JARID2: variants seen among roughly 807,000 people sequenced by gnomAD.
JARID2 encodes protein Jumonji.
Under a neutral mutation model 125.6 loss-of-function variants are expected in JARID2, and 21 were observed. The ratio of observed to expected loss-of-function variants is 0.17; its 90% CI spans 0.12 to 0.24. JARID2 has a LOEUF of 0.24. Among genes scored for constraint, JARID2 ranks in the 10% least tolerant of loss-of-function variants. The pLI is 1.00. For synonymous variants in JARID2, 736 were observed against 661.6 expected (o/e 1.11, Z -1.73); for missense variants, 1,303 against 1,639.6 (o/e 0.79, Z 3.55).
chr6:15,361,825 A>G lies in JARID2; in HGVS notation c.46-12292A>G, dbSNP rs146030352. ...GTTCAGTTTTGTTTAGGTAGCTGAA[A>G]CAATGGTGATTGTTGTAAAGTATTG... On this transcript the variant is annotated intron_variant, in intron 1 of 17. Coordinates refer to ENST00000341776, the MANE Select transcript of JARID2 (RefSeq NM_004973.4). Among the ~76,000 whole-genome samples, 14 of 152,232 alleles carry G rather than the reference A, an allele frequency of 9.2e-5. No individual in the cohort carries two copies. The East Asian group carries it at 2.7e-3, about 29-fold the overall frequency.
rs1037062303 is a variant in JARID2, at chr6:15,499,153, T to A, written c.1946-1754T>A. Among the ~76,000 whole-genome samples the A allele has an allele frequency of 2.0e-5, 3 of 152,312 alleles. No individual in the cohort carries two copies. In the East Asian group the frequency reaches 5.8e-4, roughly 29 times the overall value. On this transcript the variant is annotated intron_variant, in intron 7 of 17. Transcript: ENST00000341776. The stretch of plus-strand genomic sequence containing the variant: ...TCTGTCCCAGGGGTACTGACCTGTC[T>A]GTGACCCAGCAAGGCCTCAGGGCTG...
chr6:15,358,099 T>C (rs1459203868), intron 1 of JARID2, among the ~76,000 whole-genome samples: 2 of 152,206 alleles, frequency 1.3e-5, no homozygotes, highest in African/African-American at 4.8e-5. Flanking sequence ...TGTGGGCATG[T>C]ATGTTAAAAT....
At chr6:15,445,367 G>A (rs1299550297) in intron 3 of JARID2, among the ~76,000 whole-genome samples, 1 of 152,190 alleles carries the variant, frequency 6.6e-6, no homozygotes, top group Non-Finnish European at 1.5e-5. Flanking sequence ...ATCTTGCTGT[G>A]CTCCTTCGTT....
rs144274118 is a variant in JARID2 at position 15,466,638 on chromosome 6, A to G, written c.494-1904A>G. On this transcript the variant is annotated intron_variant, in intron 4 of 17. Coordinates refer to ENST00000341776, the MANE Select transcript of JARID2 (RefSeq NM_004973.4). The stretch of plus-strand genomic sequence containing the variant: ...TAGATTTAGGGAAGAGGGATCAACA[A>G]CATTGTTGTATTTGATTAGATAACC... 3.6e-3 allele frequency among the ~76,000 whole-genome samples: 549 copies of G among 152,322 alleles called. 4 individuals are homozygous for G. Among genetic ancestry groups the G allele is most frequent in the African/African-American group, 0.013 (533 of 41,554 alleles).
At chr6:15,281,818 C>A (rs930078348) in intron 1 of JARID2, among the ~76,000 whole-genome samples, 2 of 152,098 alleles carry the variant, frequency 1.3e-5, no homozygotes, top group African/African-American at 4.8e-5. Context: ...TTAGGTTGTT[C>A]ATGCTGTTTT....
chr6:15,477,722 A>G (rs1342328572), intron 5 of JARID2, among the ~76,000 whole-genome samples: 1 of 152,150 alleles, frequency 6.6e-6, no homozygotes, highest in African/African-American at 2.4e-5. Flanking sequence ...AGAAGAGATC[A>G]TAGGTTTTGG....
intron 1 of JARID2, among the ~76,000 whole-genome samples, chr6:15,250,141 G>A (rs1759386258): frequency 6.6e-6 from 1 of 152,194 alleles, no homozygotes; most frequent in Admixed American, 6.5e-5. Context: ...AGCTCAAGCA[G>A]AATTTGTACC....
chr6:15,401,898 GTTTT>G (rs34203284), intron 2 of JARID2, among the ~76,000 whole-genome samples: 12,485 of 126,528 alleles, frequency 0.099, 616 homozygotes, highest in Non-Finnish European at 0.13. Context: ...GTTGTCAGCA[GTTTT>G]TTTTTTTTTT....
Position 15,496,833 on chromosome 6 carries a change from G to T in JARID2, c.1608G>T (p.Pro536=). Residue 536 remains proline, a synonymous_variant, in exon 7 of 18, where the codon CCG becomes CCT. Coordinates refer to ENST00000341776, the MANE Select transcript of JARID2 (RefSeq NM_004973.4). ...STSQPESVHK[P]QDSGKAEKGG... is the part of the protein sequence containing the mutation. The stretch of plus-strand genomic sequence containing the variant: ...CGCAACCGGAGTCCGTGCACAAGCC[G>T]CAGGACTCGGGCAAGGCCGAGAAGG... 6.2e-7 allele frequency: 1 copy of T among 1,603,406 alleles called. No individual in the cohort carries two copies. Among genetic ancestry groups the T allele is most frequent in the African/African-American group, 1.3e-5 (1 of 74,930 alleles).
chr6:15,447,025 G>T (rs1483080737), intron 3 of JARID2, among the ~76,000 whole-genome samples: 1 of 152,134 alleles, frequency 6.6e-6, no homozygotes. Flanking sequence ...ACATAACAAA[G>T]TGACCAGCCT....
chr6:15,341,993 T>G (rs1763085040), intron 1 of JARID2, among the ~76,000 whole-genome samples: 1 of 151,136 alleles, frequency 6.6e-6, no homozygotes, highest in Non-Finnish European at 1.5e-5. Context: ...ATTTGGGCTT[T>G]CTGCTAAAAT....
At chr6:15,398,136 T>A (rs375281621) in intron 2 of JARID2, among the ~76,000 whole-genome samples, 1 of 151,970 alleles carries the variant, frequency 6.6e-6, no homozygotes, top group African/African-American at 2.4e-5. Context: ...GTTTATGTTA[T>A]AATATTAAAA....
chr6:15,362,582 A>C (rs1763837207), intron 1 of JARID2, among the ~76,000 whole-genome samples: 1 of 152,158 alleles, frequency 6.6e-6, no homozygotes, highest in African/African-American at 2.4e-5. Context: ...GTTGTGTAGA[A>C]ATTAAAGCCT....
At chr6:15,495,886 T>C (rs994695997) in intron 6 of JARID2, among the ~76,000 whole-genome samples, 1 of 152,204 alleles carries the variant, frequency 6.6e-6, no homozygotes, top group African/African-American at 2.4e-5. Context: ...CCTGGGGCAG[T>C]TTGCATACTT....
intron 5 of JARID2, among the ~76,000 whole-genome samples, chr6:15,473,912 A>T (rs879659401): frequency 2.0e-5 from 3 of 152,178 alleles, no homozygotes; most frequent in South Asian, 2.1e-4. Context: ...TCCGATTTCA[A>T]ATGACCCGGG....
At chr6:15,415,470 G>A (rs1358530378) in intron 3 of JARID2, among the ~76,000 whole-genome samples, 4 of 146,738 alleles carry the variant, frequency 2.7e-5, no homozygotes, top group East Asian at 4.0e-4. Context: ...CCTCCCGCAC[G>A]GGGCGGCTGG....
chr6:15,372,646 G>A (rs773353909), intron 1 of JARID2, among the ~76,000 whole-genome samples: 4 of 152,060 alleles, frequency 2.6e-5, no homozygotes, highest in Non-Finnish European at 4.4e-5. Context: ...GAGCCACTGC[G>A]CCAAGCCGTT....
intron 1 of JARID2, among the ~76,000 whole-genome samples, chr6:15,251,177 A>T (rs773839900): frequency 6.6e-6 from 1 of 152,026 alleles, no homozygotes; most frequent in Non-Finnish European, 1.5e-5. Flanking sequence ...ATGTCCGGCT[A>T]ATTTTTGTAT....
In JARID2 at chr6:15,374,150, C is replaced by A. The variant is rs756409895; in HGVS notation, c.79C>A (p.Arg27=). 2.5e-6 allele frequency: 4 copies of A among 1,614,036 alleles called. No individual in the cohort carries two copies. The South Asian group carries it at 4.4e-5, about 18-fold the overall frequency. ...DSDGIPWSEE[R]VVRKVLYLSL... ...TGATGGGATTCCGTGGTCAGAAGAACGGGTGGTACGTAAAGTCCTTTATTT... is the reference window on the plus strand; with the variant it reads ...TGATGGGATTCCGTGGTCAGAAGAAAGGGTGGTACGTAAAGTCCTTTATTT... The change falls in exon 2 of 18, where the codon CGG becomes AGG. Residue 27 remains arginine, a synonymous_variant. Coordinates refer to ENST00000341776, the MANE Select transcript of JARID2 (RefSeq NM_004973.4).
Sources: allele counts gnomAD v4.1 joint callset (sites outside exome capture counted in the v4.1 genomes callset), GRCh38; gene constraint gnomAD v4.1.1; transcripts MANE v1.5; gene names NCBI Gene and HGNC (gene_info 2026-07-23, HGNC 2026-07-21).